The following PCCA variants were observed in gnomAD, a reference collection of about 807,000 sequenced individuals.
PCCA encodes propionyl-CoA carboxylase alpha chain, mitochondrial.
A neutral mutation model predicts 101.3 loss-of-function variants in PCCA; 74 were observed. That is an observed-to-expected ratio of 0.73 (90% confidence interval 0.61 to 0.89). The LOEUF is 0.89. Ranked by LOEUF, PCCA falls within the 40% of genes least tolerant of loss-of-function variation. PCCA has a pLI of 0.00. For missense variants in PCCA, 891 were observed against 907.0 expected (o/e 0.98, Z 0.23); for synonymous variants, 294 against 313.6 (o/e 0.94, Z 0.66).
chr13:100,130,929 A>G (rs924073178), intron 4 of PCCA, among the ~76,000 whole-genome samples: 2 of 152,208 alleles, frequency 1.3e-5, no homozygotes, highest in East Asian at 1.9e-4. Context: ...TCCATGTATC[A>G]GTTTTTTTAC....
intron 23 of PCCA, among the ~76,000 whole-genome samples, chr13:100,528,616 G>A (rs1252748283): frequency 1.3e-5 from 2 of 152,230 alleles, no homozygotes; most frequent in East Asian, 3.9e-4. Flanking sequence ...CCTGGTCCCG[G>A]CTGGGAGAAC....
chr13:100,341,092 T>A (rs1013077025), intron 18 of PCCA, among the ~76,000 whole-genome samples: 33 of 152,206 alleles, frequency 2.2e-4, no homozygotes, highest in Admixed American at 5.2e-4. Flanking sequence ...TCAGTGTAGT[T>A]GGTACTCTTC....
intron 12 of PCCA, among the ~76,000 whole-genome samples, chr13:100,298,949 C>T (rs557494605): frequency 6.6e-5 from 10 of 151,456 alleles, no homozygotes; most frequent in African/African-American, 2.4e-4. Context: ...GCTTTGGAAT[C>T]CTATGTATTT....
intron 7 of PCCA, among the ~76,000 whole-genome samples, chr13:100,232,879 T>C (rs2060576147): frequency 6.6e-6 from 1 of 152,214 alleles, no homozygotes; most frequent in African/African-American, 2.4e-5. Context: ...AGGCAGAAGA[T>C]GTATTTCATG....
chr13:100,273,125 TTATG>T, intron 11 of PCCA, 67 bp from the exon 12 acceptor site: 1 of 1,116,104 alleles, frequency 9.0e-7, no homozygotes, highest in Non-Finnish European at 1.4e-6. Flanking sequence ...AAGAAAATGT[TTATG>T]TAATGCACAC....
chr13:100,380,744 T>C (rs1394749676), intron 19 of PCCA, among the ~76,000 whole-genome samples: 1 of 152,156 alleles, frequency 6.6e-6, no homozygotes, highest in Non-Finnish European at 1.5e-5. Context: ...AATAGATGAA[T>C]TGTTCAACAT....
At chr13:100,405,434 A>G (rs1229373774) in intron 19 of PCCA, among the ~76,000 whole-genome samples, 2 of 152,198 alleles carry the variant, frequency 1.3e-5, no homozygotes, top group Non-Finnish European at 2.9e-5. Context: ...TTTAATGACA[A>G]ATGTATGATA....
chr13:100,142,725 C>T (rs868604598), intron 4 of PCCA, among the ~76,000 whole-genome samples: 10 of 152,140 alleles, frequency 6.6e-5, no homozygotes, highest in Non-Finnish European at 1.2e-4. Context: ...CCACCCGCCT[C>T]GGCCTCCCAA....
At chr13:100,143,270 C>T (rs111850619) in intron 4 of PCCA, among the ~76,000 whole-genome samples, 1 of 152,138 alleles carries the variant, frequency 6.6e-6, no homozygotes, top group South Asian at 2.1e-4. Context: ...TGGCTCATGC[C>T]TGTAATCCCA....
At chr13:100,327,034 A>G (rs1316935469) in intron 16 of PCCA, among the ~76,000 whole-genome samples, 1 of 152,092 alleles carries the variant, frequency 6.6e-6, no homozygotes, top group Admixed American at 6.5e-5. Flanking sequence ...ATTTTTTTCT[A>G]CTAGATTACA....
chr13:100,450,444 A>G (rs2081144226), intron 21 of PCCA, among the ~76,000 whole-genome samples: 1 of 151,480 alleles, frequency 6.6e-6, no homozygotes, highest in African/African-American at 2.4e-5. Flanking sequence ...GTTTATTGCT[A>G]TTGTATTTGA....
At chr13:100,431,226 G>A (rs940652964) in intron 20 of PCCA, among the ~76,000 whole-genome samples, 7 of 152,046 alleles carry the variant, frequency 4.6e-5, no homozygotes, top group Admixed American at 4.6e-4. Context: ...TATATTTATT[G>A]GCTCTCTTGT....
At chr13:100,146,410 A>G (rs2152357858) in intron 4 of PCCA, among the ~76,000 whole-genome samples, 1 of 151,994 alleles carries the variant, frequency 6.6e-6, no homozygotes, top group South Asian at 2.1e-4. Context: ...CCCCGTCTCC[A>G]CTAAAACTAC....
At chr13:100,171,631 G>A (rs967125326) in intron 6 of PCCA, among the ~76,000 whole-genome samples, 2 of 152,212 alleles carry the variant, frequency 1.3e-5, no homozygotes, top group African/African-American at 4.8e-5. Flanking sequence ...GCCTACGCCT[G>A]TAATCCTAGC....
intron 18 of PCCA, among the ~76,000 whole-genome samples, chr13:100,348,764 CTTTCTTTCTTTCTTTCTTT>C (rs1566976076): frequency 2.6e-4 from 23 of 87,772 alleles, no homozygotes; most frequent in African/African-American, 3.8e-4. Flanking sequence ...TTCTTTCTTT[CTTTCTTTCTTTCTTTCTTT>C]CTTTCTTCCT....
At chr13:100,458,704 G>C (rs544971850) in intron 21 of PCCA, among the ~76,000 whole-genome samples, 35 of 152,208 alleles carry the variant, frequency 2.3e-4, no homozygotes, top group African/African-American at 8.2e-4. Flanking sequence ...TTTAATGAAG[G>C]AAAAGTTTTC....
At chr13:100,188,609 T>G (rs1471300342) in intron 6 of PCCA, among the ~76,000 whole-genome samples, 3 of 152,240 alleles carry the variant, frequency 2.0e-5, no homozygotes, top group Non-Finnish European at 4.4e-5. Context: ...GTAGTTCTAC[T>G]TTTAGTTCTT....
chr13:100,213,429 A>G (rs530784867), intron 7 of PCCA, among the ~76,000 whole-genome samples: 9 of 152,248 alleles, frequency 5.9e-5, no homozygotes, highest in South Asian at 2.1e-4. Context: ...ATAAAAGCCA[A>G]TTTAACTGGG....
At position 100,515,005 on chromosome 13, in the gene PCCA, A is replaced by G. The variant is rs562264825; in HGVS notation, c.1900-422A>G. 2.0e-5 allele frequency among the ~76,000 whole-genome samples: 3 copies of G among 152,364 alleles called. No individual in the cohort carries two copies. In the South Asian group the frequency reaches 6.2e-4, roughly 32 times the overall value. On this transcript the variant is annotated intron_variant, in intron 21 of 23. Coordinates refer to ENST00000376285, the MANE Select transcript of PCCA (RefSeq NM_000282.4). ...TTGGAGGGCTGTGGGAAGCTGCAAC[A>G]GCCATCTGCTGCCATCTACTGGCGC... is the stretch of plus-strand genomic sequence containing the variant.
Sources: gnomAD v4.1 joint callset for allele counts (sites outside exome capture counted in the v4.1 genomes callset) on GRCh38, gnomAD v4.1.1 for gene constraint, MANE v1.5 for transcripts, NCBI Gene and HGNC (gene_info 2026-07-23, HGNC 2026-07-21) for gene names.